The following PROM1 variants were observed in gnomAD, a reference collection of about 807,000 sequenced individuals.
The protein encoded by PROM1 is prominin-1.
PROM1 carries 105 observed loss-of-function variants against 116.9 expected under a neutral mutation model. That is an observed-to-expected ratio of 0.90 (90% CI 0.77 to 1.06). The LOEUF is 1.06. Among genes scored for constraint, PROM1 ranks in the 50% least tolerant of loss-of-function variants. PROM1 has a pLI of 0.00. For synonymous variants in PROM1, 393 were observed against 387.0 expected, an observed-to-expected ratio of 1.02 and a Z score of -0.18; for missense variants, 1,122 against 1,045.2, an observed-to-expected ratio of 1.07 and a Z score of -1.01.
At chr4:15,985,707 G>T in intron 22 of PROM1, 53 bp downstream of exon 22, 1 of 1,208,280 alleles carries the variant, frequency 8.3e-7, no homozygotes, top group South Asian at 1.3e-5. Context: ...CCTAGAAAAT[G>T]GCTATCCTGA....
intron 2 of PROM1, among the ~76,000 whole-genome samples, chr4:16,065,611 G>A (rs780847784): frequency 7.2e-5 from 11 of 152,154 alleles, no homozygotes; most frequent in Non-Finnish European, 1.3e-4. Flanking sequence ...CGTCAGGCTT[G>A]GTGCCCAGTA....
At chr4:16,047,055 A>G (rs753652253) in intron 2 of PROM1, among the ~76,000 whole-genome samples, 20 of 152,186 alleles carry the variant, frequency 1.3e-4, no homozygotes, top group Non-Finnish European at 2.5e-4. Flanking sequence ...CAAGTCTGAG[A>G]TCTGTAGAAC....
chr4:16,032,726 T>G (rs919599191), intron 5 of PROM1, among the ~76,000 whole-genome samples: 1 of 152,218 alleles, frequency 6.6e-6, no homozygotes, highest in African/African-American at 2.4e-5. Context: ...GGAAAACTTT[T>G]GAAAGCAGCA....
chr4:16,006,783 T>C (rs1725613690), intron 12 of PROM1, 93 bp from the exon 13 acceptor site: 1 of 1,283,432 alleles, frequency 7.8e-7, no homozygotes, highest in Non-Finnish European at 1.1e-6. Flanking sequence ...CGATGAGTTA[T>C]TCTTGGCTTC....
At chr4:16,016,105 G>T in intron 10 of PROM1, 61 bp downstream of exon 10, 1 of 1,385,078 alleles carries the variant, frequency 7.2e-7, no homozygotes, top group Non-Finnish European at 1.0e-6. Context: ...ATTTTCTTAT[G>T]TACTAGTCCA....
intron 13 of PROM1, chr4:16,003,182 T>A: frequency 2.4e-6 from 1 of 417,244 alleles, no homozygotes; most frequent in South Asian, 1.7e-5. Flanking sequence ...CTAGTTATCA[T>A]TTCAGGGGCC....
intron 11 of PROM1, among the ~76,000 whole-genome samples, chr4:16,012,870 CAAAA>C (rs71179681): frequency 2.3e-4 from 19 of 84,240 alleles, no homozygotes; most frequent in South Asian, 4.7e-4. Context: ...GACTCTGTCT[CAAAA>C]AAAAAAAAAA....
intron 1 of PROM1, chr4:16,076,374 A>G (rs4698136): frequency 0.8 from 125,043 of 157,172 alleles, 49,978 homozygotes; most frequent in Non-Finnish European, 0.84. Flanking sequence ...GGAAATACTA[A>G]ATATTGTAGA....
intron 2 of PROM1, among the ~76,000 whole-genome samples, chr4:16,053,086 G>A (rs1738245526): frequency 6.6e-6 from 1 of 152,214 alleles, no homozygotes. Context: ...TCATAACAAT[G>A]CGAAATGTCC....
At position 15,975,203 on chromosome 4, in the gene PROM1, T is replaced by C. The variant is rs750008538; in HGVS notation, c.2583-4121A>G. On this transcript the variant is annotated intron_variant, in intron 26 of 27. Transcript: ENST00000447510. ...TTACCTCATTGAACCCTCACAACCC[T>C]ACGCAAACAAGGCTCTTATTTTTAT... 5.0e-4 allele frequency among the ~76,000 whole-genome samples: 76 copies of C among 152,338 alleles called. 2 individuals are homozygous for C. The Middle Eastern group carries it at 0.051, about 102-fold the overall frequency.
intron 14 of PROM1, among the ~76,000 whole-genome samples, 156 bp from the exon 15 acceptor site, chr4:15,998,644 T>A (rs1722916971): frequency 6.6e-6 from 1 of 152,242 alleles, no homozygotes; most frequent in Admixed American, 6.5e-5. Context: ...AATAATAGTA[T>A]AATTGGAATA....
At chr4:16,047,818 C>T (rs1736889607) in intron 2 of PROM1, among the ~76,000 whole-genome samples, 1 of 151,998 alleles carries the variant, frequency 6.6e-6, no homozygotes. Context: ...CTGCTGACAA[C>T]CTGAGCCCCC....
At chr4:16,003,582 C>T (rs537732677) in intron 13 of PROM1, among the ~76,000 whole-genome samples, 3 of 152,272 alleles carry the variant, frequency 2.0e-5, no homozygotes, top group South Asian at 2.1e-4. Context: ...GTTAGATCTC[C>T]TTATCTCTGG....
At chr4:16,004,833 C>T (rs1474441099) in intron 13 of PROM1, among the ~76,000 whole-genome samples, 65 of 42,426 alleles carry the variant, frequency 1.5e-3, no homozygotes, top group African/African-American at 2.9e-3. Flanking sequence ...CTTTCTTTTT[C>T]TTCCTTCCTT....
chr4:16,036,543 A>C (rs1733985696), intron 3 of PROM1, among the ~76,000 whole-genome samples: 1 of 152,146 alleles, frequency 6.6e-6, no homozygotes, highest in African/African-American at 2.4e-5. Context: ...GCTTGTTACC[A>C]ACCAGGGCAC....
intron 22 of PROM1, 97 bp from the exon 23 acceptor site, chr4:15,984,452 G>C: frequency 7.0e-6 from 6 of 860,336 alleles, no homozygotes; most frequent in Non-Finnish European, 1.1e-5. Context: ...GTCACAAAAA[G>C]GATCTCCATG....
chr4:15,969,649 C>T (rs1195766284), intron 27 of PROM1, among the ~76,000 whole-genome samples: 5 of 151,922 alleles, frequency 3.3e-5, no homozygotes, highest in East Asian at 1.9e-4. Flanking sequence ...TGCAATGGCG[C>T]GATCTCAGCT....
rs771926209 is a variant in PROM1, at chr4:16,018,338, G to C, written c.987C>G (p.Asn329Lys). ...IRLSLSQLNS[N>K]PELRQLPPVD... The stretch of plus-strand genomic sequence containing the variant: ...GCCTGCTCACCTGCCTCAGTTCAGG[G>C]TTGCTATTCAGCTGGCTTAGAGACA... Residue 329 changes from asparagine to lysine, a missense_variant, in exon 9 of 28, where the codon AAC becomes AAG. By Grantham distance (94) the Asn-to-Lys change is moderately conservative. Coordinates refer to ENST00000447510, the MANE Select transcript of PROM1 (RefSeq NM_006017.3). 1.9e-6 allele frequency: 3 copies of C among 1,613,128 alleles called. No individual in the cohort carries two copies. In the African/African-American group the frequency reaches 4.0e-5, roughly 22 times the overall value.
chr4:15,983,074 G>A (rs1051097438), intron 23 of PROM1, among the ~76,000 whole-genome samples: 4 of 152,192 alleles, frequency 2.6e-5, no homozygotes, highest in African/African-American at 4.8e-5. Context: ...AGTCTAGAGT[G>A]TGCTGGAGAG....
Sources: gnomAD v4.1 joint callset for allele counts (sites outside exome capture counted in the v4.1 genomes callset) on GRCh38, gnomAD v4.1.1 for gene constraint, MANE v1.5 for transcripts, NCBI Gene and HGNC (gene_info 2026-07-23, HGNC 2026-07-21) for gene names.